WDR70: variants seen among roughly 807,000 people sequenced by gnomAD.
The protein encoded by WDR70 is WD repeat domain 70.
Under a neutral mutation model 88.6 loss-of-function variants are expected in WDR70, and 53 were observed. The observed-to-expected ratio is 0.60, with a 90% CI of 0.48 to 0.75. WDR70 has a LOEUF of 0.75. Among genes scored for constraint, WDR70 ranks in the 30% least tolerant of loss-of-function variants. The pLI, the probability that WDR70 is intolerant of heterozygous loss-of-function variation, is 0.00. For missense variants in WDR70, 610 were observed against 823.2 expected (o/e 0.74, Z 3.17); for synonymous variants, 280 against 270.0 (o/e 1.04, Z -0.36).
At chr5:37,445,885 A>T (rs568533756) in intron 7 of WDR70, among the ~76,000 whole-genome samples, 61 of 152,306 alleles carry the variant, frequency 4.0e-4, no homozygotes, top group Non-Finnish European at 7.3e-4. Context: ...GGCACAAGAC[A>T]GGGATGCCCT....
intron 9 of WDR70, among the ~76,000 whole-genome samples, chr5:37,547,478 T>C (rs1360775657): frequency 6.6e-6 from 1 of 152,148 alleles, no homozygotes; most frequent in Non-Finnish European, 1.5e-5. Flanking sequence ...TTCTGTTATG[T>C]TTTTATTTTT....
At chr5:37,692,778 T>G (rs1387220720) in intron 10 of WDR70, among the ~76,000 whole-genome samples, 1 of 152,140 alleles carries the variant, frequency 6.6e-6, no homozygotes. Flanking sequence ...GGGCAAAAAC[T>G]GGAAGCATTC....
chr5:37,439,139 C>T (rs761113398), intron 6 of WDR70, among the ~76,000 whole-genome samples: 3 of 151,928 alleles, frequency 2.0e-5, no homozygotes, highest in Non-Finnish European at 2.9e-5. Flanking sequence ...AGGATGGTCT[C>T]GATCTGCTGA....
chr5:37,486,436 C>T (rs1468319934), intron 8 of WDR70, among the ~76,000 whole-genome samples: 3 of 151,894 alleles, frequency 2.0e-5, no homozygotes, highest in African/African-American at 4.8e-5. Context: ...CTCTGTCTCC[C>T]GGGTTCAAGC....
intron 9 of WDR70, among the ~76,000 whole-genome samples, chr5:37,557,263 T>C (rs1742318313): frequency 1.3e-5 from 2 of 150,422 alleles, no homozygotes; most frequent in Non-Finnish European, 3.0e-5. Flanking sequence ...GCAAAATCAC[T>C]GATGTTAATG....
intron 17 of WDR70, among the ~76,000 whole-genome samples, chr5:37,731,257 T>A (rs1019505): frequency 0.31 from 46,646 of 152,084 alleles, 7,884 homozygotes; most frequent in East Asian, 0.47. Flanking sequence ...CCAGTAATGC[T>A]AAAAGGATTT....
intron 10 of WDR70, among the ~76,000 whole-genome samples, chr5:37,695,009 T>G (rs1192419803): frequency 6.6e-6 from 1 of 152,146 alleles, no homozygotes; most frequent in Non-Finnish European, 1.5e-5. Context: ...GCATAATCTA[T>G]AAAGAAAAGA....
intron 10 of WDR70, among the ~76,000 whole-genome samples, chr5:37,686,458 T>G (rs1258987640): frequency 1.3e-5 from 2 of 151,370 alleles, no homozygotes; most frequent in East Asian, 2.0e-4. Context: ...AAGTGAGTCT[T>G]GGACCCAGCT....
In WDR70 at chr5:37,563,515, G is replaced by T. The variant is rs1319564718; in HGVS notation, c.918-41549G>T. ...CCAGTAGGGGCGGCCGGGCAGAGGC[G>T]CCCCTCACCTCCCGGATGGGGCGGC... On this transcript the variant is annotated intron_variant, in intron 9 of 17. Transcript: ENST00000265107. 7.4e-5 allele frequency among the ~76,000 whole-genome samples: 4 copies of T among 54,072 alleles called. 1 individual carries two copies. In the South Asian group the frequency reaches 3.2e-3, roughly 43 times the overall value. 35.5% of individuals were successfully genotyped at this position (54,072 alleles called of 152,430 possible). A position where few individuals can be genotyped will look rare whatever the true frequency, so the allele number is the denominator to read the frequency against.
intron 10 of WDR70, among the ~76,000 whole-genome samples, chr5:37,681,926 A>T (rs1261436203): frequency 1.3e-5 from 2 of 152,072 alleles, no homozygotes; most frequent in Non-Finnish European, 2.9e-5. Context: ...TTTGGTGTCA[A>T]GATGATGCTG....
At chr5:37,692,625 T>C (rs879153912) in intron 10 of WDR70, among the ~76,000 whole-genome samples, 1 of 152,170 alleles carries the variant, frequency 6.6e-6, no homozygotes, top group East Asian at 1.9e-4. Flanking sequence ...CACGTGATTA[T>C]CTCAATAGAT....
At chr5:37,631,234 G>C (rs897045279) in intron 10 of WDR70, among the ~76,000 whole-genome samples, 4 of 152,058 alleles carry the variant, frequency 2.6e-5, no homozygotes, top group Non-Finnish European at 5.9e-5. Context: ...AGTCTGGGGG[G>C]ACAAATGCCA....
chr5:37,526,839 AACAG>A (rs916530646), intron 9 of WDR70, among the ~76,000 whole-genome samples: 11 of 152,218 alleles, frequency 7.2e-5, no homozygotes, highest in Admixed American at 2.6e-4. Context: ...ATACAGCAAT[AACAG>A]ACAGAGAGCC....
At chr5:37,517,174 T>C (rs944806125) in intron 9 of WDR70, among the ~76,000 whole-genome samples, 5 of 152,188 alleles carry the variant, frequency 3.3e-5, no homozygotes, top group African/African-American at 9.7e-5. Flanking sequence ...CAAAGGACTT[T>C]GAAGTTGTGA....
chr5:37,419,549 C>T (rs938719288), intron 5 of WDR70, among the ~76,000 whole-genome samples: 12 of 151,040 alleles, frequency 7.9e-5, no homozygotes, highest in Non-Finnish European at 1.6e-4. Context: ...CATGGTGGCT[C>T]ATGCCTGTAA....
intron 7 of WDR70, 48 bp downstream of exon 7, chr5:37,443,420 A>G (rs1561854174): frequency 6.3e-7 from 1 of 1,598,228 alleles, no homozygotes; most frequent in Non-Finnish European, 8.6e-7. Context: ...TAATGTCTTC[A>G]CATTGGAAGA....
chr5:37,429,013 T>C (rs182939673), intron 5 of WDR70, among the ~76,000 whole-genome samples: 1 of 152,320 alleles, frequency 6.6e-6, no homozygotes, highest in East Asian at 1.9e-4. Flanking sequence ...TTAAACCTCT[T>C]TTCTTGTGAT....
At chr5:37,690,377 C>T (rs770911077) in intron 10 of WDR70, among the ~76,000 whole-genome samples, 3 of 152,022 alleles carry the variant, frequency 2.0e-5, no homozygotes, top group South Asian at 2.1e-4. Flanking sequence ...AGATACTCCT[C>T]GAGAAGAGCA....
chr5:37,670,775 A>G (rs927302403), intron 10 of WDR70, among the ~76,000 whole-genome samples: 1 of 152,220 alleles, frequency 6.6e-6, no homozygotes, highest in Non-Finnish European at 1.5e-5. Context: ...CACAAAATCT[A>G]TTAGAGATAT....
Sources: gnomAD v4.1 joint callset for allele counts (sites outside exome capture counted in the v4.1 genomes callset) on GRCh38, gnomAD v4.1.1 for gene constraint, MANE v1.5 for transcripts, NCBI Gene and HGNC (gene_info 2026-07-23, HGNC 2026-07-21) for gene names.